Variants in EBF1 observed in about 807,000 individuals in gnomAD.
EBF1 encodes EBF transcription factor 1, also known as transcription factor COE1.
EBF1 carries 10 observed loss-of-function variants against 68.4 expected under a neutral mutation model. The ratio of observed to expected loss-of-function variants is 0.15; its 90% confidence interval spans 0.09 to 0.25. The LOEUF (loss-of-function observed/expected upper bound fraction) is 0.25, where lower values mean the gene tolerates loss of function less well. Among genes scored for constraint, EBF1 ranks in the 10% least tolerant of loss-of-function variants. EBF1 has a pLI of 1.00. For missense variants in EBF1, 509 were observed against 794.4 expected (o/e 0.64, Z 4.32); for synonymous variants, 298 against 299.8 (o/e 0.99, Z 0.06).
chr5:158,831,548 A>G (rs1390141562), intron 7 of EBF1, among the ~76,000 whole-genome samples: 1 of 152,218 alleles, frequency 6.6e-6, no homozygotes, highest in African/African-American at 2.4e-5. Context: ...TCAGATTGTG[A>G]TAAGTTCTAA....
intron 10 of EBF1, among the ~76,000 whole-genome samples, chr5:158,732,806 A>C (rs561834906): frequency 6.6e-6 from 1 of 152,282 alleles, no homozygotes; most frequent in South Asian, 2.1e-4. Context: ...TATTGAAGTC[A>C]TTAATAGAGT....
Position 158,731,210 on chromosome 5 carries a change from A to G in EBF1, c.1037-53T>C, listed in dbSNP as rs568634470. The G allele has an allele frequency of 6.0e-5, 93 of 1,544,622 alleles. No homozygotes were observed. In the South Asian group the frequency reaches 9.2e-4, roughly 15 times the overall value. ...ACATTTTCAAGAAATAAAGCTGAACATGGCTTGCAACACTAATGGTGTGGA... is the reference window on the plus strand; with the variant it reads ...ACATTTTCAAGAAATAAAGCTGAACGTGGCTTGCAACACTAATGGTGTGGA... On this transcript the variant is annotated intron_variant, in intron 10 of 15. Transcript: ENST00000313708.
chr5:158,722,220 G>A (rs1762068275), intron 11 of EBF1, among the ~76,000 whole-genome samples: 1 of 152,148 alleles, frequency 6.6e-6, no homozygotes, highest in Non-Finnish European at 1.5e-5. Flanking sequence ...CTTTTTCAGG[G>A]GTAGGTTGTA....
chr5:158,760,372 T>A (rs1429079052), intron 10 of EBF1, among the ~76,000 whole-genome samples: 1 of 152,090 alleles, frequency 6.6e-6, no homozygotes, highest in Non-Finnish European at 1.5e-5. Flanking sequence ...AGGAATTCCT[T>A]CCAAACATGA....
Position 159,013,269 on chromosome 5 carries a change from C to A in EBF1, c.554+60127G>T, listed in dbSNP as rs374392337. Among the ~76,000 whole-genome samples the A allele has an allele frequency of 8.5e-5, 13 of 152,274 alleles. No individual in the cohort carries two copies. The East Asian group carries it at 1.2e-3, about 14-fold the overall frequency. Reference sequence around the variant, plus strand: ...GAAGCACCACGGCAAGCACAGGGAACAAGAAGGTCAGCAAAAGCAGACACA... The same window carrying A: ...GAAGCACCACGGCAAGCACAGGGAAAAAGAAGGTCAGCAAAAGCAGACACA... On this transcript the variant is annotated intron_variant, in intron 6 of 15. Coordinates refer to ENST00000313708, the MANE Select transcript of EBF1 (RefSeq NM_024007.5).
At chr5:159,022,358 G>A (rs534068982) in intron 6 of EBF1, among the ~76,000 whole-genome samples, 1 of 152,354 alleles carries the variant, frequency 6.6e-6, no homozygotes, top group African/African-American at 2.4e-5. Context: ...TGACTGACCA[G>A]CTGGCTTCCA....
At chr5:159,087,407 C>T (rs1490778333) in intron 4 of EBF1, among the ~76,000 whole-genome samples, 1 of 146,178 alleles carries the variant, frequency 6.8e-6, no homozygotes, top group African/African-American at 2.6e-5. Flanking sequence ...TATATATACA[C>T]ACACATATAT....
intron 6 of EBF1, among the ~76,000 whole-genome samples, chr5:158,933,452 C>T (rs1470161600): frequency 6.6e-6 from 1 of 152,170 alleles, no homozygotes; most frequent in Non-Finnish European, 1.5e-5. Flanking sequence ...ATTCTTAATA[C>T]AACAGGATTT....
intron 6 of EBF1, among the ~76,000 whole-genome samples, chr5:158,949,603 T>G (rs909292010): frequency 6.6e-6 from 1 of 152,220 alleles, no homozygotes; most frequent in African/African-American, 2.4e-5. Context: ...TAAGATAATT[T>G]CCTAGAAGAT....
chr5:159,099,525 T>TAAA lies in EBF1; in HGVS notation c.-48_-47insTTT. 1 of 1,135,910 alleles carries TAAA rather than the reference T, an allele frequency of 8.8e-7. No individual in the cohort carries two copies. Among genetic ancestry groups the TAAA allele is most frequent in the Non-Finnish European group, 1.1e-6 (1 of 937,668 alleles). The allele number at this position is 1,135,910 out of a possible 1,614,324, so 70.4% of individuals were successfully genotyped here. ...AAAATCTCCTCCCCCTTGAAAAAAA[T>TAAA]TAAAAAAAAAAAAAAAGGAAAGAAA... On this transcript the variant is annotated 5_prime_UTR_variant, in exon 1 of 16. Coordinates refer to ENST00000313708, the MANE Select transcript of EBF1 (RefSeq NM_024007.5).
At position 158,698,036 on chromosome 5, in the gene EBF1, G is replaced by A; in HGVS notation, c.*1075C>T. 4.7e-6 allele frequency: 1 copy of A among 214,896 alleles called. No homozygotes were observed. Among genetic ancestry groups the A allele is most frequent in the Non-Finnish European group, 9.4e-6 (1 of 106,436 alleles). 13.3% of individuals were successfully genotyped at this position (214,896 alleles called of 1,614,324 possible). ...CAATCTATTATGTTACAAATGGTAA[G>A]GGTCGACTGATAGAGGCAGTATCTG... On this transcript the variant is annotated 3_prime_UTR_variant, in exon 16 of 16. Transcript: ENST00000313708.
intron 6 of EBF1, among the ~76,000 whole-genome samples, chr5:158,849,980 G>A (rs1217362471): frequency 6.6e-6 from 1 of 152,190 alleles, no homozygotes; most frequent in African/African-American, 2.4e-5. Flanking sequence ...CTCACACTCT[G>A]TAAAATGTAC....
chr5:158,832,771 C>G (rs983229191), intron 7 of EBF1, among the ~76,000 whole-genome samples: 2 of 152,112 alleles, frequency 1.3e-5, no homozygotes, highest in Admixed American at 6.5e-5. Flanking sequence ...GTTAAGCAAA[C>G]AGCAAAGATT....
At chr5:158,803,950 CTGTGTGTGTG>C (rs10581149) in intron 8 of EBF1, among the ~76,000 whole-genome samples, 13 of 131,396 alleles carry the variant, frequency 9.9e-5, no homozygotes, top group South Asian at 5.3e-4. Context: ...GTGTGTGTGT[CTGTGTGTGTG>C]TGTGTGTGTG....
chr5:158,837,783 T>C (rs1395211692), intron 7 of EBF1, among the ~76,000 whole-genome samples: 1 of 152,136 alleles, frequency 6.6e-6, no homozygotes, highest in Non-Finnish European at 1.5e-5. Context: ...GTCATCAAAG[T>C]CCATCCCAAA....
At position 158,768,311 on chromosome 5, in the gene EBF1, A is replaced by C. The variant is rs567951245; in HGVS notation, c.1036+9102T>G. Reference sequence around the variant, plus strand: ...TCTGCTAGGGCATAAGATGATTATCAATGACTAAAAATTGTTTTAAATTCA... The same window carrying C: ...TCTGCTAGGGCATAAGATGATTATCCATGACTAAAAATTGTTTTAAATTCA... On this transcript the variant is annotated intron_variant, in intron 10 of 15. Coordinates refer to ENST00000313708, the MANE Select transcript of EBF1 (RefSeq NM_024007.5). Among the ~76,000 whole-genome samples the C allele has an allele frequency of 2.0e-4, 30 of 152,280 alleles. No individual in the cohort carries two copies. In the South Asian group the frequency reaches 6.0e-3, roughly 31 times the overall value.
At chr5:159,043,761 G>A (rs112257447) in intron 6 of EBF1, among the ~76,000 whole-genome samples, 1,703 of 152,196 alleles carry the variant, frequency 0.011, 11 homozygotes, top group Admixed American at 0.018. Context: ...AATGTCTCTC[G>A]GCACTTCATA....
chr5:158,862,685 AT>A (rs948807503), intron 6 of EBF1, among the ~76,000 whole-genome samples: 1 of 152,144 alleles, frequency 6.6e-6, no homozygotes, highest in Non-Finnish European at 1.5e-5. Flanking sequence ...GAGAAAGCTC[AT>A]TTTTTAAGCG....
At chr5:158,758,906 T>C (rs1770755211) in intron 10 of EBF1, among the ~76,000 whole-genome samples, 1 of 152,206 alleles carries the variant, frequency 6.6e-6, no homozygotes, top group Non-Finnish European at 1.5e-5. Context: ...GTCACTCCCA[T>C]ATTTATCACC....
Sources: gnomAD v4.1 joint callset for allele counts (sites outside exome capture counted in the v4.1 genomes callset) on GRCh38, gnomAD v4.1.1 for gene constraint, MANE v1.5 for transcripts, NCBI Gene and HGNC (gene_info 2026-07-23, HGNC 2026-07-21) for gene names.